The following SIRPG variants were observed in gnomAD, a reference collection of about 807,000 sequenced individuals.
SIRPG encodes signal regulatory protein gamma.
In SIRPG, 38 loss-of-function variants were observed where a neutral mutation model predicts 35.7. The ratio of observed to expected loss-of-function variants is 1.06; its 90% CI spans 0.82 to 1.40. The LOEUF is 1.40. Ranked by LOEUF, SIRPG falls within the 40% of genes most tolerant of loss-of-function variation. The probability of loss-of-function intolerance (pLI) is 0.00; values close to 1 mark genes in which losing one functional copy is unlikely to be tolerated. For synonymous variants in SIRPG, 215 were observed against 190.4 expected, an observed-to-expected ratio of 1.13 and a Z score of -1.06; for missense variants, 519 against 483.0, an observed-to-expected ratio of 1.07 and a Z score of -0.70.
At chr20:1,668,421 T>C in the SIRPG span, among the ~76,000 whole-genome samples, 1 of 152,000 alleles carries the variant, frequency 6.6e-6, no homozygotes, top group Non-Finnish European at 1.5e-5. Context: ...TAGCTGAGAC[T>C]ACAGGCACAC....
upstream of SIRPG, among the ~76,000 whole-genome samples, chr20:1,658,790 C>T (rs915873383): frequency 1.3e-5 from 2 of 152,122 alleles, no homozygotes; most frequent in African/African-American, 2.4e-5. Flanking sequence ...ATGGATCCCT[C>T]CTGCATGCTG....
chr20:1,684,637 T>C, the SIRPG span, among the ~76,000 whole-genome samples: 1 of 152,166 alleles, frequency 6.6e-6, no homozygotes, highest in African/African-American at 2.4e-5. Context: ...TGATGGGTGA[T>C]GATTATTCCT....
chr20:1,670,015 C>A, the SIRPG span: 1 of 252,538 alleles, frequency 4.0e-6, no homozygotes, highest in Non-Finnish European at 8.8e-6. Context: ...GGTAGGTGAG[C>A]ACATCATCCC....
the SIRPG span, among the ~76,000 whole-genome samples, chr20:1,679,637 A>G: frequency 6.6e-6 from 1 of 152,138 alleles, no homozygotes; most frequent in Non-Finnish European, 1.5e-5. Context: ...TAAATTGTTC[A>G]TCTTCATATG....
chr20:1,658,302 A>C (rs2091986300), upstream of SIRPG, among the ~76,000 whole-genome samples: 2 of 152,324 alleles, frequency 1.3e-5, no homozygotes, highest in African/African-American at 4.8e-5. Flanking sequence ...TAGCACTTTC[A>C]TGTGCCTGCA....
chr20:1,666,131 A>G, the SIRPG span, among the ~76,000 whole-genome samples: 1 of 152,164 alleles, frequency 6.6e-6, no homozygotes, highest in Admixed American at 6.5e-5. Context: ...AAAAAGAAAA[A>G]AAAAAAAGAC....
rs769162573 is a variant in SIRPG, at chr20:1,649,212, T to A, written c.270A>T (p.Thr90=). 4 of 1,614,062 alleles carry A rather than the reference T, an allele frequency of 2.5e-6. No homozygotes were observed. In the African/African-American group the frequency reaches 5.3e-5, roughly 22 times the overall value. ...TGTTTCTCTTTGTGAGGTCTGAAACTGTTGTTACCCTGGGGAAGTGGCCTT... is the reference window on the plus strand; with the variant it reads ...TGTTTCTCTTTGTGAGGTCTGAAACAGTTGTTACCCTGGGGAAGTGGCCTT... ...QKEGHFPRVT[T]VSDLTKRNNM... The change falls in exon 2 of 6, where the codon ACA becomes ACT. Residue 90 remains threonine (T), a synonymous_variant. Transcript: ENST00000303415.
the SIRPG span, among the ~76,000 whole-genome samples, chr20:1,674,041 A>G: frequency 2.6e-5 from 4 of 152,084 alleles, no homozygotes; most frequent in Admixed American, 2.6e-4. Flanking sequence ...TGTTATTCTG[A>G]AGCATCCACA....
intron 2 of SIRPG, among the ~76,000 whole-genome samples, chr20:1,645,832 G>T (rs892581629): frequency 1.3e-5 from 2 of 152,264 alleles, no homozygotes; most frequent in Non-Finnish European, 2.9e-5. Context: ...TAGAGGCTCT[G>T]TGCACATCCT....
chr20:1,644,618 A>G (rs2091883167), intron 2 of SIRPG, among the ~76,000 whole-genome samples: 1 of 152,118 alleles, frequency 6.6e-6, no homozygotes, highest in Non-Finnish European at 1.5e-5. Flanking sequence ...CCTTAAGGAG[A>G]TTCTAGCTGA....
chr20:1,681,411 C>T, the SIRPG span, among the ~76,000 whole-genome samples: 1 of 152,166 alleles, frequency 6.6e-6, no homozygotes, highest in Non-Finnish European at 1.5e-5. Flanking sequence ...CTTCTGTTTC[C>T]TTATCTATGT....
the SIRPG span, among the ~76,000 whole-genome samples, chr20:1,668,442 C>A: frequency 6.6e-6 from 1 of 151,904 alleles, no homozygotes; most frequent in South Asian, 2.1e-4. Context: ...ACCCACCATG[C>A]CCAGCTAATT....
upstream of SIRPG, among the ~76,000 whole-genome samples, chr20:1,662,028 T>A (rs1336870384): frequency 1.3e-4 from 20 of 152,232 alleles, no homozygotes; most frequent in South Asian, 4.1e-3. Context: ...TGAAACCCAG[T>A]CCCCTGCACA....
intron 2 of SIRPG, among the ~76,000 whole-genome samples, chr20:1,643,761 G>A (rs1568731173): frequency 1.3e-5 from 2 of 152,142 alleles, no homozygotes; most frequent in African/African-American, 4.8e-5. Context: ...TTTTTGTGGG[G>A]ACTTTTTTTG....
At chr20:1,630,450 C>A in intron 4 of SIRPG, 144 bp from the exon 5 acceptor site, 1 of 621,790 alleles carries the variant, frequency 1.6e-6, no homozygotes, top group Non-Finnish European at 2.8e-6. Context: ...ATCTTCACTC[C>A]AGCACAAGGC....
chr20:1,668,204 T>TTTCTTTCTTTCTTTC, the SIRPG span, among the ~76,000 whole-genome samples: 1 of 40,890 alleles, frequency 2.4e-5, no homozygotes, highest in Non-Finnish European at 5.2e-5. Context: ...TTTTCTTTTC[T>TTTCTTTCTTTCTTTC]TTCTTTCTTT....
the SIRPG span, among the ~76,000 whole-genome samples, chr20:1,682,756 A>G: frequency 6.6e-6 from 1 of 152,238 alleles, no homozygotes; most frequent in Non-Finnish European, 1.5e-5. Flanking sequence ...TGAAACTGTA[A>G]AGTACTAGAA....
chr20:1,642,092 T>C (rs2091856853), intron 2 of SIRPG, among the ~76,000 whole-genome samples: 1 of 152,230 alleles, frequency 6.6e-6, no homozygotes, highest in African/African-American at 2.4e-5. Context: ...GAGAGTTCTG[T>C]AGATGTCTAT....
At chr20:1,670,964 G>A in the SIRPG span, 1 of 347,558 alleles carries the variant, frequency 2.9e-6, no homozygotes, top group Middle Eastern at 4.3e-4. Context: ...ATGACCTGAA[G>A]GCAAAGGTCT....
Sources: allele counts gnomAD v4.1 joint callset (sites outside exome capture counted in the v4.1 genomes callset), GRCh38; gene constraint gnomAD v4.1.1; transcripts MANE v1.5; gene names NCBI Gene and HGNC (gene_info 2026-07-23, HGNC 2026-07-21).